The following CACUL1 variants were observed in gnomAD, a reference collection of about 807,000 sequenced individuals.
The protein encoded by CACUL1 is CDK2 associated cullin domain 1.
CACUL1 carries 13 observed loss-of-function variants against 45.2 expected under a neutral mutation model. That is an observed-to-expected ratio of 0.29 (90% CI 0.19 to 0.46). The LOEUF (loss-of-function observed/expected upper bound fraction) is 0.46. Among genes scored for constraint, CACUL1 ranks in the 20% least tolerant of loss-of-function variants. The probability of loss-of-function intolerance (pLI) is 1.00; values close to 1 mark genes in which losing one functional copy is unlikely to be tolerated. For synonymous variants in CACUL1, 197 were observed against 174.2 expected (o/e 1.13, Z -1.03); for missense variants, 421 against 471.4 (o/e 0.89, Z 0.99).
At chr10:118,703,235 C>T (rs996048793) in intron 4 of CACUL1, among the ~76,000 whole-genome samples, 1 of 149,544 alleles carries the variant, frequency 6.7e-6, no homozygotes, top group African/African-American at 2.4e-5. Flanking sequence ...CCCAAAAGGT[C>T]CCATTCTACA....
chr10:118,734,052 T>C (rs1845720609), intron 1 of CACUL1, among the ~76,000 whole-genome samples: 1 of 152,146 alleles, frequency 6.6e-6, no homozygotes. Context: ...CCAAAATTCA[T>C]GCTATGTGTA....
At chr10:118,745,935 G>A (rs1017698628) in intron 1 of CACUL1, among the ~76,000 whole-genome samples, 11 of 149,654 alleles carry the variant, frequency 7.4e-5, no homozygotes, top group Non-Finnish European at 1.2e-4. Flanking sequence ...TCAGGAGATC[G>A]AGACCATCCT....
intron 8 of CACUL1, 112 bp downstream of exon 8, chr10:118,686,486 T>C: frequency 1.1e-6 from 1 of 881,458 alleles, no homozygotes; most frequent in Non-Finnish European, 1.9e-6. Flanking sequence ...AAGCAGTGCC[T>C]TATGAGAACA....
At chr10:118,731,509 T>C (rs1345126354) in intron 1 of CACUL1, among the ~76,000 whole-genome samples, 1 of 152,188 alleles carries the variant, frequency 6.6e-6, no homozygotes. Context: ...TTACAGGACA[T>C]CTGAGGAATG....
At chr10:118,740,109 T>G (rs1255143308) in intron 1 of CACUL1, among the ~76,000 whole-genome samples, 2 of 152,146 alleles carry the variant, frequency 1.3e-5, no homozygotes, top group Non-Finnish European at 2.9e-5. Flanking sequence ...ATCACACCAC[T>G]GCACTCCAGC....
At chr10:118,717,337 A>G (rs545554862) in intron 3 of CACUL1, among the ~76,000 whole-genome samples, 2 of 152,354 alleles carry the variant, frequency 1.3e-5, no homozygotes, top group East Asian at 3.9e-4. Context: ...ACATTTTAAC[A>G]TTAACATAGG....
chr10:118,694,735 T>C (rs890573150), intron 6 of CACUL1, among the ~76,000 whole-genome samples: 10 of 152,228 alleles, frequency 6.6e-5, no homozygotes, highest in Admixed American at 3.9e-4. Flanking sequence ...ACAAAATGAC[T>C]GTAACTTTAC....
Position 118,686,166 on chromosome 10 carries a change from T to C in CACUL1, c.1072A>G (p.Ser358Gly), listed in dbSNP as rs753268475. 5 of 1,612,236 alleles carry C rather than the reference T, an allele frequency of 3.1e-6. No homozygotes were observed. The highest frequency in any genetic ancestry group is 4.2e-6 in the Non-Finnish European group (5 of 1,178,366). Residue 358 changes from serine to glycine, a missense_variant and splice_region_variant, in exon 9 of 9, where the codon AGC (serine) becomes GGC (glycine). Ser to Gly is a moderately conservative substitution (Grantham distance 56). Around this residue, in one of 2 missense-constraint regions of CACUL1, gnomAD observed 208 missense variants for 298.4 expected, o/e 0.70. Transcript: ENST00000369151. ...KRAGDELAYN[S>G]SSACASSRGY... ...CTGGAACTTGCACATGCTGACGAGC[T>C]ATCTGAAAAAACATCAGAATAGGAA...
chr10:118,723,040 T>C (rs1022364665), intron 3 of CACUL1, among the ~76,000 whole-genome samples: 2 of 152,206 alleles, frequency 1.3e-5, no homozygotes, highest in African/African-American at 2.4e-5. Context: ...GCCCATGGGG[T>C]AGCCCTGATC....
At chr10:118,737,919 A>T (rs1193981411) in intron 1 of CACUL1, among the ~76,000 whole-genome samples, 1 of 152,234 alleles carries the variant, frequency 6.6e-6, no homozygotes, top group Non-Finnish European at 1.5e-5. Flanking sequence ...ATCTCATAAA[A>T]TTCAAAGTAC....
At position 118,730,274 on chromosome 10, in the gene CACUL1, C is replaced by A. The variant is rs1357259017; in HGVS notation, c.494+10G>T. 1.2e-6 allele frequency: 2 copies of A among 1,613,136 alleles called. No individual in the cohort carries two copies. The highest frequency in any genetic ancestry group is 2.2e-5 in the South Asian group (2 of 91,002). ...CCTTTCAAACCCAAGCAAATTAAAT[C>A]TTAACTTACCTGTATATCTGTTCAT... On this transcript the variant is annotated intron_variant, in intron 2 of 8. Coordinates refer to ENST00000369151, the MANE Select transcript of CACUL1 (RefSeq NM_153810.5).
At chr10:118,691,885 A>AAAAAAG (rs1845274252) in intron 6 of CACUL1, among the ~76,000 whole-genome samples, 1 of 150,626 alleles carries the variant, frequency 6.6e-6, no homozygotes, top group Non-Finnish European at 1.5e-5. Flanking sequence ...AAAAAAAAAA[A>AAAAAAG]AAAAAGAAAA....
At chr10:118,688,451 G>C (rs1212246125) in intron 7 of CACUL1, among the ~76,000 whole-genome samples, 2 of 152,090 alleles carry the variant, frequency 1.3e-5, no homozygotes, top group African/African-American at 2.4e-5. Flanking sequence ...TTCCTCAAAG[G>C]TTAAATAAAA....
At chr10:118,686,868 G>A in intron 7 of CACUL1, 1 of 502,370 alleles carries the variant, frequency 2.0e-6, no homozygotes, top group Admixed American at 3.6e-5. Flanking sequence ...AAACACCTAT[G>A]AAAGTTCTAA....
intron 6 of CACUL1, 44 bp from the exon 7 acceptor site, chr10:118,691,447 C>T (rs914369248): frequency 6.5e-7 from 1 of 1,543,260 alleles, no homozygotes; most frequent in African/African-American, 1.4e-5. Flanking sequence ...CATATAAACA[C>T]ACCAAATTAA....
chr10:118,699,670 A>C (rs184194574), intron 5 of CACUL1, among the ~76,000 whole-genome samples: 18 of 151,176 alleles, frequency 1.2e-4, no homozygotes, highest in African/African-American at 4.4e-4. Context: ...TTGAGACAGG[A>C]GTCTTGCTCT....
At position 118,735,627 on chromosome 10, in the gene CACUL1, A is replaced by G. The variant is rs556585196; in HGVS notation, c.368-5217T>C. The stretch of plus-strand genomic sequence containing the variant: ...GGTGTTCCTCTTTCCTCAATTGCTA[A>G]TATATGGCTTGTCTGTTCTCAACAC... On this transcript the variant is annotated intron_variant, in intron 1 of 8. Transcript: ENST00000369151. 8.5e-5 allele frequency among the ~76,000 whole-genome samples: 13 copies of G among 152,300 alleles called. 1 individual carries two copies. The South Asian group carries it at 2.7e-3, about 32-fold the overall frequency.
At chr10:118,729,060 G>A in intron 3 of CACUL1, 3 of 398,188 alleles carry the variant, frequency 7.5e-6, no homozygotes, top group Non-Finnish European at 1.3e-5. Flanking sequence ...ATAATCAATA[G>A]AATCAGTTAA....
intron 1 of CACUL1, among the ~76,000 whole-genome samples, chr10:118,738,952 CT>C (rs1440117157): frequency 7.1e-6 from 1 of 140,532 alleles, no homozygotes; most frequent in Non-Finnish European, 1.5e-5. Context: ...AATCCCAGCA[CT>C]TTTGGAGGCC....
Sources: allele counts gnomAD v4.1 joint callset (sites outside exome capture counted in the v4.1 genomes callset), GRCh38; gene constraint gnomAD v4.1.1; regional missense constraint gnomAD v4.1.1; transcripts MANE v1.5; gene names NCBI Gene and HGNC (gene_info 2026-07-23, HGNC 2026-07-21).